Variants in EYS observed in about 807,000 individuals in gnomAD.
The protein encoded by EYS is EGF-like photoreceptor maintenance factor.
EYS carries 250 observed loss-of-function variants against 282.1 expected under a neutral mutation model. That is an observed-to-expected ratio of 0.89 (90% CI 0.80 to 0.98). The LOEUF (loss-of-function observed/expected upper bound fraction) is 0.98, where lower values mean the gene tolerates loss of function less well. Ranked by LOEUF, EYS falls within the 50% of genes least tolerant of loss-of-function variation. The pLI, the probability that EYS is intolerant of heterozygous loss-of-function variation, is 0.00. For synonymous variants in EYS, 1,355 were observed against 1,282.9 expected, an observed-to-expected ratio of 1.06 and a Z score of -1.20; for missense variants, 4,016 against 3,709.0, an observed-to-expected ratio of 1.08 and a Z score of -2.15.
chr6:65,657,941 T>A (rs576548821), intron 1 of EYS, among the ~76,000 whole-genome samples: 2 of 151,816 alleles, frequency 1.3e-5, no homozygotes, highest in African/African-American at 4.8e-5. Context: ...TGAGGCAAGA[T>A]CCTCCACCAG....
chr6:64,133,079 A>G (rs1774036937), intron 31 of EYS, among the ~76,000 whole-genome samples: 1 of 152,090 alleles, frequency 6.6e-6, no homozygotes, highest in Non-Finnish European at 1.5e-5. Context: ...ATACTATGAC[A>G]AAGGGCAGAT....
At chr6:65,602,755 A>C (rs991042492) in intron 2 of EYS, among the ~76,000 whole-genome samples, 1 of 151,994 alleles carries the variant, frequency 6.6e-6, no homozygotes, top group Non-Finnish European at 1.5e-5. Context: ...ATCTGAATGA[A>C]AGAGTGATGT....
chr6:65,125,956 C>T lies in EYS; in HGVS notation c.2024-68229G>A, dbSNP rs573776497. Among the ~76,000 whole-genome samples, 162 of 152,128 alleles carry T rather than the reference C, an allele frequency of 1.1e-3. 1 individual carries two copies. The highest frequency in any genetic ancestry group is 3.7e-3 in the African/African-American group (154 of 41,512). On this transcript the variant is annotated intron_variant, in intron 12 of 42. Coordinates refer to ENST00000503581, the MANE Select transcript of EYS (RefSeq NM_001142800.2). ...AACCAAACTGTGGGTAGGAATCTAGCCTGCATCTTCTGGTTGTATACAATG... is the reference window on the plus strand; with the variant it reads ...AACCAAACTGTGGGTAGGAATCTAGTCTGCATCTTCTGGTTGTATACAATG...
At chr6:63,822,838 T>C (rs1475844172) in intron 36 of EYS, among the ~76,000 whole-genome samples, 4 of 152,178 alleles carry the variant, frequency 2.6e-5, no homozygotes, top group Non-Finnish European at 5.9e-5. Flanking sequence ...ATTGAAGAGG[T>C]TTTAGTGTTT....
chr6:63,721,452 A>C lies in EYS; in HGVS notation c.8579T>G (p.Leu2860Ter). ...GCCACCTTTTGCTCCAAATTCAGTT[A>C]ATTGTAATTCTTGATTATTTATGAT... ...QVIINNQELQ[L>*]TEFGAKGGSN... is the part of the protein sequence containing the mutation. Residue 2860 changes from leucine to a stop codon, truncating the protein, a stop_gained, in exon 43 of 43, where the codon TTA becomes TGA. Coordinates refer to ENST00000503581, the MANE Select transcript of EYS (RefSeq NM_001142800.2). LOFTEE classifies it low-confidence loss of function (END_TRUNC). 6.4e-7 allele frequency: 1 copy of C among 1,551,638 alleles called. No individual in the cohort carries two copies. Among genetic ancestry groups the C allele is most frequent in the Non-Finnish European group, 8.7e-7 (1 of 1,146,928 alleles).
intron 30 of EYS, among the ~76,000 whole-genome samples, chr6:64,260,141 G>A (rs35911505): frequency 0.69 from 104,023 of 151,372 alleles, 35,737 homozygotes; most frequent in South Asian, 0.71. Flanking sequence ...CGGGGCAGGG[G>A]GTATTTTTTC....
intron 2 of EYS, among the ~76,000 whole-genome samples, chr6:65,588,658 C>T (rs1765134391): frequency 1.3e-5 from 2 of 151,980 alleles, no homozygotes; most frequent in Admixed American, 6.6e-5. Flanking sequence ...AAGATCATTC[C>T]TATATTTTTG....
At chr6:64,283,159 T>C (rs879686187) in intron 30 of EYS, among the ~76,000 whole-genome samples, 11 of 152,196 alleles carry the variant, frequency 7.2e-5, no homozygotes, top group Non-Finnish European at 1.2e-4. Flanking sequence ...TTATCTGGTT[T>C]CTTTGCCTGA....
intron 22 of EYS, among the ~76,000 whole-genome samples, chr6:64,765,939 G>C (rs1320106388): frequency 1.3e-5 from 2 of 151,954 alleles, no homozygotes; most frequent in East Asian, 3.9e-4. Context: ...AAAATATTTA[G>C]TACCATACCT....
At chr6:65,034,172 C>A (rs559455553) in intron 13 of EYS, among the ~76,000 whole-genome samples, 114 of 152,294 alleles carry the variant, frequency 7.5e-4, no homozygotes, top group South Asian at 3.1e-3. Context: ...CCTATACCCC[C>A]ATTGTATCTT....
chr6:65,117,451 T>C (rs1436928545), intron 12 of EYS, among the ~76,000 whole-genome samples: 1 of 152,180 alleles, frequency 6.6e-6, no homozygotes, highest in Non-Finnish European at 1.5e-5. Flanking sequence ...GTTGTGCCTT[T>C]TCACTCTCTA....
intron 36 of EYS, among the ~76,000 whole-genome samples, chr6:63,857,173 C>T (rs764196183): frequency 3.1e-4 from 47 of 152,256 alleles, no homozygotes; most frequent in Non-Finnish European, 6.8e-4. Context: ...AAGGTGACTT[C>T]GTAGTCCGAG....
In EYS at chr6:65,530,101, T is replaced by C. The variant is rs555487702; in HGVS notation, c.-332-34108A>G. On this transcript the variant is annotated intron_variant, in intron 2 of 42. Transcript: ENST00000503581. ...GGGATTGTATCCTATAATAAATCAT[T>C]AAAATCAATCTCAGGTTTTTGTTTT... 4.6e-5 allele frequency among the ~76,000 whole-genome samples: 7 copies of C among 152,338 alleles called. No individual in the cohort carries two copies. The South Asian group carries it at 1.2e-3, about 27-fold the overall frequency.
At chr6:64,196,036 C>A (rs1406310783) in intron 31 of EYS, among the ~76,000 whole-genome samples, 1 of 151,926 alleles carries the variant, frequency 6.6e-6, no homozygotes, top group Non-Finnish European at 1.5e-5. Flanking sequence ...TGAACTCAAA[C>A]AAATTTACAA....
chr6:65,668,570 A>G (rs906389300), intron 1 of EYS, among the ~76,000 whole-genome samples: 5 of 152,008 alleles, frequency 3.3e-5, no homozygotes, highest in Non-Finnish European at 5.9e-5. Context: ...TCTGCCCTTT[A>G]TCAGAAAGCT....
At chr6:64,812,287 G>A (rs1764621858) in intron 22 of EYS, among the ~76,000 whole-genome samples, 1 of 151,230 alleles carries the variant, frequency 6.6e-6, no homozygotes, top group South Asian at 2.1e-4. Context: ...ACACATGTCT[G>A]ATGCATGTGT....
intron 12 of EYS, among the ~76,000 whole-genome samples, chr6:65,141,259 G>T (rs546985854): frequency 1.1e-4 from 16 of 151,832 alleles, no homozygotes; most frequent in Non-Finnish European, 1.6e-4. Flanking sequence ...ACCAAACACC[G>T]CATGTTCTCA....
chr6:64,127,332 A>G (rs550014094), intron 31 of EYS, among the ~76,000 whole-genome samples: 4 of 152,192 alleles, frequency 2.6e-5, no homozygotes, highest in Non-Finnish European at 5.9e-5. Flanking sequence ...TAACTGCTAT[A>G]CAATAGCTAC....
chr6:65,266,730 T>C (rs1174011815), intron 12 of EYS, among the ~76,000 whole-genome samples: 1 of 151,576 alleles, frequency 6.6e-6, no homozygotes, highest in Admixed American at 6.6e-5. Flanking sequence ...AAAAACTAGT[T>C]CATTAGTATC....
Sources: allele counts gnomAD v4.1 joint callset (sites outside exome capture counted in the v4.1 genomes callset), GRCh38; gene constraint gnomAD v4.1.1; transcripts MANE v1.5; gene names NCBI Gene and HGNC (gene_info 2026-07-23, HGNC 2026-07-21).